The following AGPS variants were observed in gnomAD, a reference collection of about 807,000 sequenced individuals.
AGPS encodes the protein alkyldihydroxyacetonephosphate synthase, peroxisomal.
A neutral mutation model predicts 90.7 loss-of-function variants in AGPS; 26 were observed. The observed-to-expected ratio is 0.29, with a 90% confidence interval of 0.21 to 0.40. The LOEUF (loss-of-function observed/expected upper bound fraction) is 0.40, where lower values mean the gene tolerates loss of function less well. Among genes scored for constraint, AGPS ranks in the 10% least tolerant of loss-of-function variants. AGPS has a pLI of 1.00. For synonymous variants in AGPS, 294 were observed against 285.3 expected (o/e 1.03, Z -0.31); for missense variants, 540 against 816.1 (o/e 0.66, Z 4.12).
chr2:177,416,592 C>T (rs1008190945), intron 1 of AGPS, among the ~76,000 whole-genome samples: 2 of 150,732 alleles, frequency 1.3e-5, no homozygotes, highest in Non-Finnish European at 3.0e-5. Context: ...GTGGTGTGAT[C>T]TCGGCTCACT....
rs748129984 is a variant in AGPS at position 177,436,786 on chromosome 2, C to T, written c.464C>T (p.Thr155Ile). 1.9e-6 allele frequency: 3 copies of T among 1,611,452 alleles called. No homozygotes were observed. Among genetic ancestry groups the T allele is most frequent in the Non-Finnish European group, 2.5e-6 (3 of 1,178,528 alleles). Residue 155 changes from threonine (T) to isoleucine (I), a missense_variant, in exon 4 of 20, where the codon ACA becomes ATA. By Grantham distance (89) the Thr-to-Ile change is moderately conservative. Transcript: ENST00000264167. ...TSKASLNPSD[T>I]PPSVVNEDFL... ...TAGGCATCCTTAAATCCTAGTGATA[C>T]ACCTCCTTCTGTTGTAAATGAAGAT...
In AGPS at chr2:177,461,971, C is replaced by G. The variant is rs375775258; in HGVS notation, c.949C>G (p.Arg317Gly). The change falls in exon 9 of 20, where the codon CGC becomes GGC. Residue 317 changes from arginine to glycine, a missense_variant. By Grantham distance (125) the Arg-to-Gly change is moderately radical. This residue lies in a region of AGPS where 405 missense variants were observed against 692.1 expected (regional missense o/e 0.59). Coordinates refer to ENST00000264167, the MANE Select transcript of AGPS (RefSeq NM_003659.4). ...TACTGTAGGAGGATGGGTATCTACT[C>G]GCGCATCAGGCATGAAGAAGAATAT... ...FSTVGGWVST[R>G]ASGMKKNIYG... 6.2e-7 allele frequency: 1 copy of G among 1,612,404 alleles called. No individual in the cohort carries two copies. The highest frequency in any genetic ancestry group is 8.5e-7 in the Non-Finnish European group (1 of 1,179,046).
At chr2:177,472,542 G>A (rs186018949) in intron 10 of AGPS, among the ~76,000 whole-genome samples, 10 of 152,060 alleles carry the variant, frequency 6.6e-5, no homozygotes, top group Admixed American at 2.0e-4. Flanking sequence ...GTTTTAGGGT[G>A]GAGACTTTTC....
chr2:177,532,429 A>G (rs949543441), intron 19 of AGPS, among the ~76,000 whole-genome samples: 1 of 152,210 alleles, frequency 6.6e-6, no homozygotes, highest in African/African-American at 2.4e-5. Context: ...CACACCTATC[A>G]GAATGGCTAA....
chr2:177,429,831 T>C (rs1023560219), intron 2 of AGPS, among the ~76,000 whole-genome samples: 5 of 152,322 alleles, frequency 3.3e-5, no homozygotes, highest in African/African-American at 1.2e-4. Flanking sequence ...CTGTGCCATG[T>C]TGGGGATAAC....
rs2105693614 is a variant in AGPS at position 177,482,179 on chromosome 2, C to A, written c.1226C>A (p.Ala409Glu). Residue 409 changes from alanine to glutamate, a missense_variant, in exon 11 of 20, where the codon GCA (alanine) becomes GAA (glutamate). Physicochemically the swap from Ala to Glu is moderately radical, Grantham distance 107. Coordinates refer to ENST00000264167, the MANE Select transcript of AGPS (RefSeq NM_003659.4). The stretch of plus-strand genomic sequence containing the variant: ...GGAGTAGCCTGTTTAAGAGAAATTG[C>A]AAAACAGGTAAAAGAAAAAATATAT... ...EQGVACLREI[A>E]KQRCAPASIR... The A allele has an allele frequency of 2.5e-6, 4 of 1,572,584 alleles. No homozygotes were observed. Among genetic ancestry groups the A allele is most frequent in the East Asian group, 4.6e-5 (2 of 43,128 alleles).
chr2:177,430,569 A>G (rs867303098), intron 2 of AGPS, among the ~76,000 whole-genome samples: 25 of 151,830 alleles, frequency 1.6e-4, no homozygotes, highest in African/African-American at 5.1e-4. Flanking sequence ...GGGTTGCACA[A>G]TCTCTCACTG....
At chr2:177,418,202 A>G (rs1685844082) in intron 1 of AGPS, among the ~76,000 whole-genome samples, 1 of 152,134 alleles carries the variant, frequency 6.6e-6, no homozygotes, top group African/African-American at 2.4e-5. Flanking sequence ...GAAGTTCTTT[A>G]GAATATTACC....
chr2:177,503,861 A>G (rs1362918610), intron 14 of AGPS, among the ~76,000 whole-genome samples: 2 of 152,098 alleles, frequency 1.3e-5, no homozygotes, highest in Admixed American at 1.3e-4. Flanking sequence ...TAGAAAATGC[A>G]TGTTTCTCTG....
At chr2:177,453,475 T>TG (rs1687013140) in intron 8 of AGPS, among the ~76,000 whole-genome samples, 1 of 151,884 alleles carries the variant, frequency 6.6e-6, no homozygotes, top group Non-Finnish European at 1.5e-5. Flanking sequence ...TTTACCATGT[T>TG]GGTCAGGCTG....
intron 19 of AGPS, among the ~76,000 whole-genome samples, chr2:177,532,103 A>G (rs2079143509): frequency 6.6e-6 from 1 of 152,184 alleles, no homozygotes; most frequent in Non-Finnish European, 1.5e-5. Context: ...AGTACAATTT[A>G]TAAAAAATTG....
chr2:177,521,881 A>G (rs990621461), intron 18 of AGPS, among the ~76,000 whole-genome samples: 2 of 152,142 alleles, frequency 1.3e-5, no homozygotes, highest in African/African-American at 2.4e-5. Flanking sequence ...CTTTCTCTTG[A>G]TAACCAATAT....
intron 1 of AGPS, chr2:177,393,285 A>G: frequency 1.0e-6 from 1 of 985,392 alleles, no homozygotes; most frequent in Non-Finnish European, 1.2e-6. Flanking sequence ...ACAGGCTTGA[A>G]GAACTCTCGT....
chr2:177,434,125 C>G (rs944512431), intron 2 of AGPS, among the ~76,000 whole-genome samples: 1 of 152,152 alleles, frequency 6.6e-6, no homozygotes, highest in Non-Finnish European at 1.5e-5. Flanking sequence ...CCCTTCTCCC[C>G]TATTTTTGAC....
chr2:177,522,320 C>T (rs1174855976), intron 18 of AGPS, among the ~76,000 whole-genome samples: 1 of 152,196 alleles, frequency 6.6e-6, no homozygotes, highest in Non-Finnish European at 1.5e-5. Context: ...CCTTCTTTCT[C>T]AGTCCAAACT....
At chr2:177,467,893 T>C (rs1687502180) in intron 9 of AGPS, among the ~76,000 whole-genome samples, 1 of 152,140 alleles carries the variant, frequency 6.6e-6, no homozygotes. Flanking sequence ...TTAAGTTCAG[T>C]CATTGTTTCT....
intron 8 of AGPS, among the ~76,000 whole-genome samples, chr2:177,450,013 A>G (rs1045761361): frequency 5.9e-5 from 9 of 151,766 alleles, no homozygotes; most frequent in African/African-American, 2.2e-4. Context: ...AATTTTTTGT[A>G]TTTTTAGTAG....
chr2:177,505,422 T>C (rs1337416786), intron 14 of AGPS, 84 bp from the exon 15 acceptor site: 7 of 1,218,258 alleles, frequency 5.7e-6, no homozygotes, highest in Non-Finnish European at 8.4e-6. Context: ...TATTCAAACT[T>C]ATTCTCTTGA....
chr2:177,535,772 C>G (rs938770657), intron 19 of AGPS, among the ~76,000 whole-genome samples: 1 of 152,026 alleles, frequency 6.6e-6, no homozygotes, highest in African/African-American at 2.4e-5. Context: ...TTGCATAAAC[C>G]AAGATTTCTG....
Sources: gnomAD v4.1 joint callset for allele counts (sites outside exome capture counted in the v4.1 genomes callset) on GRCh38, gnomAD v4.1.1 for gene constraint, gnomAD v4.1.1 regional missense constraint, MANE v1.5 for transcripts, NCBI Gene and HGNC (gene_info 2026-07-23, HGNC 2026-07-21) for gene names.